Variants in PKNOX2 observed in about 807,000 individuals in gnomAD.
PKNOX2 encodes the protein PBX/knotted 1 homeobox 2.
In PKNOX2, 14 loss-of-function variants were observed where a neutral mutation model predicts 53.1. The ratio of observed to expected loss-of-function variants is 0.26; its 90% CI spans 0.17 to 0.41. The LOEUF (loss-of-function observed/expected upper bound fraction) is 0.41. Among genes scored for constraint, PKNOX2 ranks in the 10% least tolerant of loss-of-function variants. The pLI is 1.00. For missense variants in PKNOX2, 496 were observed against 602.8 expected (o/e 0.82, Z 1.85); for synonymous variants, 257 against 242.8 (o/e 1.06, Z -0.54).
chr11:125,403,936 A>G (rs1245620862), intron 7 of PKNOX2, among the ~76,000 whole-genome samples: 3 of 152,158 alleles, frequency 2.0e-5, no homozygotes, highest in African/African-American at 4.8e-5. Flanking sequence ...GGGCTAATCA[A>G]TGCATCCCCA....
intron 7 of PKNOX2, among the ~76,000 whole-genome samples, chr11:125,408,614 G>A (rs1272386369): frequency 2.0e-5 from 3 of 152,230 alleles, no homozygotes; most frequent in Non-Finnish European, 4.4e-5. Flanking sequence ...AAAAAAGGCA[G>A]CTCTGGAGGA....
intron 2 of PKNOX2, among the ~76,000 whole-genome samples, chr11:125,283,173 A>G (rs915091598): frequency 1.3e-5 from 2 of 151,716 alleles, no homozygotes; most frequent in South Asian, 4.2e-4. Context: ...AAATAATAAA[A>G]TAAAATAAAA....
chr11:125,227,915 G>A lies in PKNOX2; in HGVS notation c.-200-7130G>A, dbSNP rs182865430. Reference sequence around the variant, plus strand: ...CAGAGAGCCCCGGAGGAGCCACAGAGAACAGAAGAGACTTTCTACCAGCCT... The same window carrying A: ...CAGAGAGCCCCGGAGGAGCCACAGAAAACAGAAGAGACTTTCTACCAGCCT... On this transcript the variant is annotated intron_variant, in intron 1 of 12. Transcript: ENST00000298282. Among the ~76,000 whole-genome samples the A allele has an allele frequency of 2.7e-3, 417 of 152,304 alleles. 1 individual carries two copies. The highest frequency in any genetic ancestry group is 9.4e-3 in the African/African-American group (391 of 41,560).
Position 125,429,023 on chromosome 11 carries a change from C to A in PKNOX2, c.948C>A (p.Pro316=), listed in dbSNP as rs1347315172. The change falls in exon 11 of 13, where the codon CCC becomes CCA. Residue 316 remains proline (P), a synonymous_variant. Transcript: ENST00000298282. ...WLFQHLMHPY[P]TEDEKRQIAA... The stretch of plus-strand genomic sequence containing the variant: ...ACCTCTCGTTTCAGCACCCCTACCC[C>A]ACGGAGGATGAGAAGAGGCAGATCG... 6.2e-7 allele frequency: 1 copy of A among 1,613,590 alleles called. No homozygotes were observed. Among genetic ancestry groups the A allele is most frequent in the Non-Finnish European group, 8.5e-7 (1 of 1,179,476 alleles).
intron 7 of PKNOX2, among the ~76,000 whole-genome samples, chr11:125,401,411 G>A (rs551437570): frequency 6.6e-6 from 1 of 152,340 alleles, no homozygotes; most frequent in Non-Finnish European, 1.5e-5. Context: ...TGCTGCTCCT[G>A]TTGTATTACT....
At chr11:125,423,292 C>A (rs1591568026) in intron 10 of PKNOX2, among the ~76,000 whole-genome samples, 1 of 152,300 alleles carries the variant, frequency 6.6e-6, no homozygotes, top group South Asian at 2.1e-4. Context: ...AGTACTGCCT[C>A]CACGTCTTCT....
intron 1 of PKNOX2, among the ~76,000 whole-genome samples, chr11:125,220,161 T>C (rs565293047): frequency 1.3e-5 from 2 of 152,144 alleles, no homozygotes; most frequent in African/African-American, 2.4e-5. Context: ...AAAAAAAGTG[T>C]GTATAAAAAG....
intron 4 of PKNOX2, among the ~76,000 whole-genome samples, chr11:125,357,848 A>G (rs1951700931): frequency 6.6e-6 from 1 of 152,260 alleles, no homozygotes; most frequent in East Asian, 1.9e-4. Context: ...TGAATTATAC[A>G]AATTTAGGCA....
At chr11:125,306,410 G>A (rs553838006) in intron 2 of PKNOX2, among the ~76,000 whole-genome samples, 8 of 152,254 alleles carry the variant, frequency 5.3e-5, no homozygotes, top group East Asian at 1.9e-4. Flanking sequence ...TCCCAGGCCC[G>A]CTTCTCCTGG....
At chr11:125,281,965 C>T (rs765575300) in intron 2 of PKNOX2, among the ~76,000 whole-genome samples, 1 of 152,232 alleles carries the variant, frequency 6.6e-6, no homozygotes, top group Non-Finnish European at 1.5e-5. Context: ...AGAGGGCTGA[C>T]ATTCGAGTTA....
At chr11:125,173,975 G>A (rs762983552) in intron 1 of PKNOX2, among the ~76,000 whole-genome samples, 2 of 152,184 alleles carry the variant, frequency 1.3e-5, no homozygotes, top group Non-Finnish European at 2.9e-5. Context: ...AGTGGCAAGT[G>A]AGCCCTACCC....
At chr11:125,402,624 G>A (rs1282098374) in intron 7 of PKNOX2, among the ~76,000 whole-genome samples, 1 of 152,150 alleles carries the variant, frequency 6.6e-6, no homozygotes, top group Non-Finnish European at 1.5e-5. Context: ...AGAGAGCCAT[G>A]AGTCACAATG....
chr11:125,199,220 T>C (rs1245841535), intron 1 of PKNOX2, among the ~76,000 whole-genome samples: 2 of 152,104 alleles, frequency 1.3e-5, no homozygotes, highest in African/African-American at 4.8e-5. Context: ...GTTATTTCCC[T>C]TGTGCTCTGC....
intron 1 of PKNOX2, among the ~76,000 whole-genome samples, chr11:125,231,950 G>C (rs930306540): frequency 1.3e-5 from 2 of 152,156 alleles, no homozygotes; most frequent in South Asian, 2.1e-4. Flanking sequence ...CCAAATCAGG[G>C]AAACATGCTT....
At chr11:125,249,317 T>A (rs571752361) in intron 2 of PKNOX2, among the ~76,000 whole-genome samples, 1 of 152,248 alleles carries the variant, frequency 6.6e-6, no homozygotes, top group East Asian at 1.9e-4. Context: ...TGGTCCTCAA[T>A]GATTTACTTC....
At chr11:125,281,141 C>T (rs1404296578) in intron 2 of PKNOX2, among the ~76,000 whole-genome samples, 1 of 152,212 alleles carries the variant, frequency 6.6e-6, no homozygotes, top group African/African-American at 2.4e-5. Flanking sequence ...GAGCTCAGGC[C>T]GCTTGCTAGG....
At chr11:125,219,411 C>G (rs1182228876) in intron 1 of PKNOX2, among the ~76,000 whole-genome samples, 1 of 151,202 alleles carries the variant, frequency 6.6e-6, no homozygotes, top group Admixed American at 6.6e-5. Flanking sequence ...GCATTCTAGC[C>G]TGGGCAACAA....
chr11:125,372,584 C>T (rs545835447), intron 5 of PKNOX2, among the ~76,000 whole-genome samples: 1 of 152,232 alleles, frequency 6.6e-6, no homozygotes, highest in Non-Finnish European at 1.5e-5. Context: ...TGATTTTCCA[C>T]CTAAATGCCA....
intron 6 of PKNOX2, among the ~76,000 whole-genome samples, chr11:125,388,519 T>G (rs1280782732): frequency 6.6e-6 from 1 of 152,144 alleles, no homozygotes; most frequent in East Asian, 1.9e-4. Context: ...CCTTGAATAT[T>G]GACTTTCATA....
Sources: allele counts gnomAD v4.1 joint callset (sites outside exome capture counted in the v4.1 genomes callset), GRCh38; gene constraint gnomAD v4.1.1; transcripts MANE v1.5; gene names NCBI Gene and HGNC (gene_info 2026-07-23, HGNC 2026-07-21).